Variants in XKR6 observed in about 807,000 individuals in gnomAD.
XKR6 encodes XK related 6.
A neutral mutation model predicts 56.7 loss-of-function variants in XKR6; 22 were observed. The ratio of observed to expected loss-of-function variants is 0.39; its 90% CI spans 0.28 to 0.55. XKR6 has a LOEUF of 0.55. Ranked by LOEUF, XKR6 falls within the 20% of genes least tolerant of loss-of-function variation. The pLI is 0.66. For missense variants in XKR6, 852 were observed against 889.0 expected (o/e 0.96, Z 0.53); for synonymous variants, 524 against 387.8 (o/e 1.35, Z -4.13).
intron 1 of XKR6, chr8:11,108,578 C>A (rs1190039713): frequency 1.2e-5 from 4 of 335,422 alleles, no homozygotes; most frequent in African/African-American, 8.7e-5. Context: ...GACTCTATTT[C>A]TATCACCCGT....
intron 1 of XKR6, among the ~76,000 whole-genome samples, chr8:10,944,601 TGTA>T (rs1269474817): frequency 6.6e-6 from 1 of 152,144 alleles, no homozygotes; most frequent in Non-Finnish European, 1.5e-5. Context: ...AGTGCACCCA[TGTA>T]GTCGCGACCA....
intron 1 of XKR6, among the ~76,000 whole-genome samples, chr8:11,091,545 C>G (rs971071943): frequency 6.6e-6 from 1 of 152,006 alleles, no homozygotes; most frequent in African/African-American, 2.4e-5. Flanking sequence ...GTAGCAAGGA[C>G]AAAGAGAAGG....
chr8:11,095,053 A>G (rs1391475277), intron 1 of XKR6, among the ~76,000 whole-genome samples: 1 of 152,234 alleles, frequency 6.6e-6, no homozygotes, highest in Non-Finnish European at 1.5e-5. Context: ...AAAGTTGGAA[A>G]GAAAAAAAGT....
At chr8:11,163,673 T>C (rs1801933751) in intron 1 of XKR6, among the ~76,000 whole-genome samples, 1 of 152,222 alleles carries the variant, frequency 6.6e-6, no homozygotes, top group African/African-American at 2.4e-5. Flanking sequence ...CGTGGTCTGC[T>C]ACCCCAGACC....
In XKR6 at chr8:11,114,727, A is replaced by ATGTGTG. The variant is rs58011023; in HGVS notation, c.764+85843_764+85848dup. ...ATGAAGTCAGCTACTTAGATCACATATGTGTGTGTGTGTGTGTGTGTGTGT... is the reference window on the plus strand; with the variant it reads ...ATGAAGTCAGCTACTTAGATCACATATGTGTGTGTGTGTGTGTGTGTGTGTGTGTGT... On this transcript the variant is annotated intron_variant, in intron 1 of 2. Transcript: ENST00000416569. 7.0e-3 allele frequency among the ~76,000 whole-genome samples: 835 copies of ATGTGTG among 118,444 alleles called. 7 individuals are homozygous for ATGTGTG. Among genetic ancestry groups the ATGTGTG allele is most frequent in the Admixed American group, 9.9e-3 (125 of 12,602 alleles). 77.7% of individuals were successfully genotyped at this position (118,444 alleles called of 152,430 possible).
At chr8:11,172,300 G>T (rs937058391) in intron 1 of XKR6, among the ~76,000 whole-genome samples, 1 of 152,110 alleles carries the variant, frequency 6.6e-6, no homozygotes. Context: ...AGCCTGGGAG[G>T]TCGAGGCTGC....
At chr8:10,954,667 C>G (rs138852690) in intron 1 of XKR6, among the ~76,000 whole-genome samples, 3 of 152,046 alleles carry the variant, frequency 2.0e-5, no homozygotes, top group Admixed American at 1.3e-4. Flanking sequence ...TTGATGAAGT[C>G]TTATCTGTCC....
intron 1 of XKR6, chr8:11,123,618 G>C (rs1024288487): frequency 3.2e-5 from 10 of 316,194 alleles, no homozygotes; most frequent in Admixed American, 8.3e-5. Context: ...CAAGTGTGCA[G>C]AGTTTAAGAT....
rs538371314 is a variant in XKR6, at chr8:11,024,596, C to A, written c.765-99766G>T. ...GGGCTTGGCCTCTCCCAGACTTCAT[C>A]TGTCCCATGCTGGCACTGTCAGAAC... On this transcript the variant is annotated intron_variant, in intron 1 of 2. Transcript: ENST00000416569. 3.3e-5 allele frequency among the ~76,000 whole-genome samples: 5 copies of A among 152,370 alleles called. No homozygotes were observed. The South Asian group carries it at 1.0e-3, about 32-fold the overall frequency.
At chr8:11,085,439 G>GGT (rs142775403) in intron 1 of XKR6, among the ~76,000 whole-genome samples, 3,234 of 151,180 alleles carry the variant, frequency 0.021, 118 homozygotes, top group African/African-American at 0.073. Flanking sequence ...AGGTGAAAGA[G>GGT]GTGTGTGTGT....
chr8:11,129,000 T>C (rs570281304), intron 1 of XKR6: 35 of 456,288 alleles, frequency 7.7e-5, no homozygotes, highest in Non-Finnish European at 1.5e-4. Flanking sequence ...CTGTTCTCTC[T>C]TGTTAACTGA....
chr8:11,118,040 T>C (rs944001003), intron 1 of XKR6, among the ~76,000 whole-genome samples: 1 of 152,178 alleles, frequency 6.6e-6, no homozygotes, highest in South Asian at 2.1e-4. Context: ...AATAATGACG[T>C]TATTTACCAA....
intron 1 of XKR6, among the ~76,000 whole-genome samples, chr8:10,951,371 G>A (rs993550951): frequency 1.3e-5 from 2 of 152,064 alleles, no homozygotes; most frequent in African/African-American, 4.8e-5. Context: ...AGCGACGCAT[G>A]GGTAACAGCC....
At chr8:11,061,988 C>A (rs1799847182) in intron 1 of XKR6, among the ~76,000 whole-genome samples, 2 of 152,216 alleles carry the variant, frequency 1.3e-5, no homozygotes, top group African/African-American at 4.8e-5. Context: ...AGAATTCTAA[C>A]AGGGTGAAAC....
chr8:10,919,130 C>T (rs1254421078), intron 2 of XKR6, among the ~76,000 whole-genome samples: 1 of 152,214 alleles, frequency 6.6e-6, no homozygotes, highest in African/African-American at 2.4e-5. Context: ...TCTCTCACCC[C>T]AACTGCCAAG....
intron 1 of XKR6, among the ~76,000 whole-genome samples, chr8:11,094,676 A>G (rs967122973): frequency 6.6e-6 from 1 of 152,172 alleles, no homozygotes; most frequent in African/African-American, 2.4e-5. Flanking sequence ...ACTAGCAGCC[A>G]GACACTAGGC....
At chr8:11,043,734 G>A (rs767308079) in intron 1 of XKR6, among the ~76,000 whole-genome samples, 2 of 152,192 alleles carry the variant, frequency 1.3e-5, no homozygotes, top group African/African-American at 2.4e-5. Context: ...CTAAGTTCCC[G>A]CCCATGACAG....
At chr8:10,905,175 T>C (rs1193551817) in intron 2 of XKR6, among the ~76,000 whole-genome samples, 1 of 152,120 alleles carries the variant, frequency 6.6e-6, no homozygotes, top group African/African-American at 2.4e-5. Flanking sequence ...TCTCCTTGTC[T>C]CATCTTCTCC....
chr8:10,950,237 T>C (rs1357992991), intron 1 of XKR6, among the ~76,000 whole-genome samples: 1 of 152,098 alleles, frequency 6.6e-6, no homozygotes, highest in Non-Finnish European at 1.5e-5. Flanking sequence ...GGCCAATGGA[T>C]AGTGCAGGGG....
Sources: allele counts gnomAD v4.1 joint callset (sites outside exome capture counted in the v4.1 genomes callset), GRCh38; gene constraint gnomAD v4.1.1; transcripts MANE v1.5; gene names NCBI Gene and HGNC (gene_info 2026-07-23, HGNC 2026-07-21).